Variants in FUT9 observed in about 807,000 individuals in gnomAD.
FUT9 encodes the protein fucosyltransferase 9, also known as 4-galactosyl-N-acetylglucosaminide 3-alpha-L-fucosyltransferase 9.
FUT9 carries 15 observed loss-of-function variants against 29.7 expected under a neutral mutation model. That is an observed-to-expected ratio of 0.51 (90% CI 0.34 to 0.78). FUT9 has a LOEUF of 0.78. Ranked by LOEUF, FUT9 falls within the 30% of genes least tolerant of loss-of-function variation. FUT9 has a pLI of 0.01. For missense variants in FUT9, 319 were observed against 425.4 expected, an observed-to-expected ratio of 0.75 and a Z score of 2.20; for synonymous variants, 169 against 153.7, an observed-to-expected ratio of 1.10 and a Z score of -0.74.
intron 2 of FUT9, among the ~76,000 whole-genome samples, chr6:96,174,213 A>T (rs1227414615): frequency 6.6e-6 from 1 of 152,100 alleles, no homozygotes; most frequent in Admixed American, 6.6e-5. Context: ...CTGTAAAATG[A>T]CTCAAAATTA....
At chr6:96,155,830 AC>A (rs11353098) in intron 2 of FUT9, among the ~76,000 whole-genome samples, 24,102 of 151,968 alleles carry the variant, frequency 0.16, 2,115 homozygotes, top group African/African-American at 0.19. Flanking sequence ...AACCCTCCTG[AC>A]CCCTTGATCT....
intron 1 of FUT9, among the ~76,000 whole-genome samples, chr6:96,105,769 C>T (rs1034286991): frequency 6.6e-6 from 1 of 152,112 alleles, no homozygotes; most frequent in African/African-American, 2.4e-5. Context: ...TTATTTTTCA[C>T]AGCATGATTC....
intron 1 of FUT9, among the ~76,000 whole-genome samples, chr6:96,094,246 A>G (rs1040423170): frequency 6.6e-6 from 1 of 152,148 alleles, no homozygotes; most frequent in Non-Finnish European, 1.5e-5. Flanking sequence ...ATCTCATGCC[A>G]TCCCTTTGTC....
intron 1 of FUT9, among the ~76,000 whole-genome samples, chr6:96,029,115 C>T (rs898846531): frequency 6.6e-6 from 1 of 151,458 alleles, no homozygotes; most frequent in Non-Finnish European, 1.5e-5. Flanking sequence ...AGAAACGAGT[C>T]ATGGGGATAG....
At chr6:96,200,199 A>G (rs1230715171) in intron 2 of FUT9, among the ~76,000 whole-genome samples, 3 of 152,170 alleles carry the variant, frequency 2.0e-5, no homozygotes, top group Non-Finnish European at 2.9e-5. Flanking sequence ...TTTGACACTA[A>G]TAAGTGCCAT....
At chr6:96,190,988 T>A (rs2127988665) in intron 2 of FUT9, among the ~76,000 whole-genome samples, 1 of 152,256 alleles carries the variant, frequency 6.6e-6, no homozygotes, top group South Asian at 2.1e-4. Context: ...GCACTCTGAT[T>A]TTTAGAATTT....
intron 1 of FUT9, among the ~76,000 whole-genome samples, chr6:96,022,358 C>T (rs1311354580): frequency 6.6e-6 from 1 of 152,032 alleles, no homozygotes; most frequent in African/African-American, 2.4e-5. Flanking sequence ...TTGTCTTCAC[C>T]AACAGCTTAA....
intron 2 of FUT9, among the ~76,000 whole-genome samples, chr6:96,147,137 A>G (rs935509898): frequency 1.3e-5 from 2 of 149,216 alleles, no homozygotes; most frequent in Non-Finnish European, 3.0e-5. Flanking sequence ...TTTTCTCCCT[A>G]CCTGTCCAAT....
chr6:96,122,784 C>A (rs554544680), intron 2 of FUT9, among the ~76,000 whole-genome samples: 27 of 152,146 alleles, frequency 1.8e-4, no homozygotes, highest in African/African-American at 5.8e-4. Context: ...CGGTGGCTCA[C>A]GCCTGTAATT....
At chr6:96,066,155 T>TTAC (rs1770958292) in intron 1 of FUT9, among the ~76,000 whole-genome samples, 2 of 152,102 alleles carry the variant, frequency 1.3e-5, no homozygotes, top group Non-Finnish European at 2.9e-5. Flanking sequence ...AATAACTACC[T>TTAC]TATAGTAAGG....
At chr6:96,061,773 TC>T (rs1271121664) in intron 1 of FUT9, among the ~76,000 whole-genome samples, 8 of 152,166 alleles carry the variant, frequency 5.3e-5, no homozygotes, top group South Asian at 2.1e-4. Flanking sequence ...TTCTTTCCTC[TC>T]TGGTGCTAAT....
chr6:96,046,011 C>A (rs1426526115), intron 1 of FUT9, among the ~76,000 whole-genome samples: 1 of 152,154 alleles, frequency 6.6e-6, no homozygotes. Context: ...GAGAGTAAAT[C>A]AGTAGATTCA....
rs542394898 is a variant in FUT9 at position 96,063,852 on chromosome 6, T to C, written c.-98+47640T>C. 5.3e-4 allele frequency among the ~76,000 whole-genome samples: 81 copies of C among 152,296 alleles called. No homozygotes were observed. The Middle Eastern group carries it at 0.01, about 19-fold the overall frequency. ...CACCAAAGTATCTCAGCCAATTTCA[T>C]TGAGATTCAGACTGGCAAGGAGCTT... is the stretch of plus-strand genomic sequence containing the variant. On this transcript the variant is annotated intron_variant, in intron 1 of 2. Transcript: ENST00000302103.
chr6:96,070,284 A>G (rs1343700314), intron 1 of FUT9, among the ~76,000 whole-genome samples: 1 of 152,220 alleles, frequency 6.6e-6, no homozygotes, highest in Admixed American at 6.5e-5. Context: ...GAAAAAAGAC[A>G]TTTATTTAAA....
chr6:96,125,051 T>A (rs561660513), intron 2 of FUT9, among the ~76,000 whole-genome samples: 2 of 152,340 alleles, frequency 1.3e-5, no homozygotes, highest in South Asian at 4.1e-4. Flanking sequence ...TGCTGGCTGA[T>A]GTAATCTTAC....
chr6:96,104,000 C>T (rs1051125404), intron 1 of FUT9, among the ~76,000 whole-genome samples: 5 of 152,230 alleles, frequency 3.3e-5, no homozygotes, highest in East Asian at 1.9e-4. Context: ...GCACAACAGG[C>T]GGCTAATCTC....
At chr6:96,067,073 T>C (rs960310682) in intron 1 of FUT9, among the ~76,000 whole-genome samples, 1 of 151,626 alleles carries the variant, frequency 6.6e-6, no homozygotes, top group South Asian at 2.1e-4. Context: ...AAAATATAGA[T>C]CAATAAGGCA....
intron 1 of FUT9, among the ~76,000 whole-genome samples, chr6:96,031,821 A>T (rs1770266791): frequency 6.6e-6 from 1 of 151,532 alleles, no homozygotes; most frequent in Non-Finnish European, 1.5e-5. Context: ...TTCTCAGTAT[A>T]TTTTACAAAA....
At chr6:96,183,220 GC>G (rs1320600124) in intron 2 of FUT9, among the ~76,000 whole-genome samples, 1 of 151,770 alleles carries the variant, frequency 6.6e-6, no homozygotes, top group Admixed American at 6.6e-5. Flanking sequence ...TTGTAAAAGT[GC>G]TGAGTTCATG....
Sources: gnomAD v4.1 joint callset for allele counts (sites outside exome capture counted in the v4.1 genomes callset) on GRCh38, gnomAD v4.1.1 for gene constraint, MANE v1.5 for transcripts, NCBI Gene and HGNC (gene_info 2026-07-23, HGNC 2026-07-21) for gene names.